Variants in DPY19L2 observed in about 807,000 individuals in gnomAD.
DPY19L2 encodes the protein dpy-19 like 2.
In DPY19L2, 34 loss-of-function variants were observed where a neutral mutation model predicts 97.9. That is an observed-to-expected ratio of 0.35 (90% CI 0.26 to 0.46). The LOEUF is 0.46. Among genes scored for constraint, DPY19L2 ranks in the 20% least tolerant of loss-of-function variants. The probability of loss-of-function intolerance (pLI) is 1.00; values close to 1 mark genes in which losing one functional copy is unlikely to be tolerated. For missense variants in DPY19L2, 623 were observed against 911.4 expected (o/e 0.68, Z 4.07); for synonymous variants, 230 against 307.9 (o/e 0.75, Z 2.65).
chr12:63,606,342 C>A (rs538882774), intron 12 of DPY19L2, among the ~76,000 whole-genome samples: 1 of 152,146 alleles, frequency 6.6e-6, no homozygotes, highest in African/African-American at 2.4e-5. Flanking sequence ...ACAGAACACT[C>A]TAAATACCTT....
chr12:63,596,115 T>A (rs774391610), intron 14 of DPY19L2, 78 bp from the exon 15 acceptor site: 57 of 1,302,448 alleles, frequency 4.4e-5, no homozygotes, highest in Non-Finnish European at 5.7e-5. Flanking sequence ...TCAAACTAAG[T>A]GCCATGATAA....
In DPY19L2 at chr12:63,608,109, G is replaced by T. The variant is rs140435744; in HGVS notation, c.1278+507C>A. ...TTGGGAAGAAGCCAAACAAAAATTAGGTAGTGGCTGAGTTCAAATTAGAAG... is the reference window on the plus strand; with the variant it reads ...TTGGGAAGAAGCCAAACAAAAATTATGTAGTGGCTGAGTTCAAATTAGAAG... On this transcript the variant is annotated intron_variant, in intron 12 of 21. Transcript: ENST00000324472. Among the ~76,000 whole-genome samples, 952 of 152,234 alleles carry T rather than the reference G, an allele frequency of 6.3e-3. 13 individuals carry two copies. The highest frequency in any genetic ancestry group is 0.022 in the African/African-American group (914 of 41,534).
At chr12:63,619,269 C>T (rs1888306569) in intron 9 of DPY19L2, among the ~76,000 whole-genome samples, 1 of 152,072 alleles carries the variant, frequency 6.6e-6, no homozygotes, top group African/African-American at 2.4e-5. Flanking sequence ...GGTGACACCT[C>T]ATCGCTACAA....
intron 19 of DPY19L2, among the ~76,000 whole-genome samples, chr12:63,572,729 GAGAA>G (rs1249726345): frequency 2.6e-5 from 4 of 151,994 alleles, no homozygotes; most frequent in Admixed American, 6.5e-5. Flanking sequence ...GCTTAGCACA[GAGAA>G]AGAGAGAGAG....
chr12:63,624,268 A>C, intron 7 of DPY19L2, 137 bp from the exon 8 acceptor site: 1 of 659,520 alleles, frequency 1.5e-6, no homozygotes, highest in Non-Finnish European at 2.7e-6. Context: ...ATAGCTTCTC[A>C]GTTTTTGAAG....
chr12:63,638,732 T>C (rs1340562817), intron 6 of DPY19L2, among the ~76,000 whole-genome samples: 2 of 152,178 alleles, frequency 1.3e-5, no homozygotes, highest in African/African-American at 4.8e-5. Context: ...AAGCATACCA[T>C]GCTCCTGGAT....
At chr12:63,663,599 A>G (rs1360944812) in intron 3 of DPY19L2, among the ~76,000 whole-genome samples, 159 bp downstream of exon 3, 1 of 152,216 alleles carries the variant, frequency 6.6e-6, no homozygotes, top group Admixed American at 6.5e-5. Flanking sequence ...TAACAGAAAA[A>G]TAATCTCAAA....
intron 11 of DPY19L2, among the ~76,000 whole-genome samples, chr12:63,613,081 A>G (rs2137703862): frequency 6.6e-6 from 1 of 152,244 alleles, no homozygotes; most frequent in East Asian, 1.9e-4. Flanking sequence ...ATATTTAGGG[A>G]AGAAATCATA....
chr12:63,637,199 G>A (rs1163980273), intron 6 of DPY19L2, among the ~76,000 whole-genome samples: 7 of 152,232 alleles, frequency 4.6e-5, no homozygotes, highest in Non-Finnish European at 4.4e-5. Flanking sequence ...GGTACATAAC[G>A]AAATGAAAGC....
At chr12:63,648,605 T>C (rs967506225) in intron 4 of DPY19L2, among the ~76,000 whole-genome samples, 1 of 151,984 alleles carries the variant, frequency 6.6e-6, no homozygotes, top group African/African-American at 2.4e-5. Flanking sequence ...TTTTTATATA[T>C]TTAGTAGAGA....
At chr12:63,561,630 A>C (rs1455439158) in intron 21 of DPY19L2, among the ~76,000 whole-genome samples, 1 of 151,326 alleles carries the variant, frequency 6.6e-6, no homozygotes. Context: ...TTTGTTGCTA[A>C]ATAATATTTC....
intron 3 of DPY19L2, among the ~76,000 whole-genome samples, chr12:63,661,956 A>G (rs1895733074): frequency 6.6e-6 from 1 of 152,144 alleles, no homozygotes; most frequent in African/African-American, 2.4e-5. Context: ...ATGAGCAAGG[A>G]ATCCAGTGCT....
rs372554385 is a variant in DPY19L2 at position 63,560,554 on chromosome 12, T to G, written c.2235A>C (p.Thr745=). The change falls in exon 22 of 22, where the codon ACA becomes ACC. Residue 745 remains threonine (T), a synonymous_variant. Transcript: ENST00000324472. ...LLEDARPYFT[T]VFQNSVYRVL... is the part of the protein sequence containing the mutation. ...CTCTGTACACACTATTCTGAAATAC[T>G]GTGGTGAAGTAAGGCCTGGCGTCTT... is the stretch of plus-strand genomic sequence containing the variant. The G allele has an allele frequency of 6.2e-7, 1 of 1,613,926 alleles. No individual in the cohort carries two copies. Among genetic ancestry groups the G allele is most frequent in the African/African-American group, 1.3e-5 (1 of 74,916 alleles).
chr12:63,602,350 A>G (rs546643614), intron 12 of DPY19L2, among the ~76,000 whole-genome samples: 1 of 152,114 alleles, frequency 6.6e-6, no homozygotes, highest in African/African-American at 2.4e-5. Context: ...CACTAAAACA[A>G]TGATGAAGAA....
chr12:63,660,518 G>C (rs1414503648), intron 4 of DPY19L2, among the ~76,000 whole-genome samples: 1 of 151,838 alleles, frequency 6.6e-6, no homozygotes, highest in Non-Finnish European at 1.5e-5. Context: ...CAGAACAAAG[G>C]TGATTTTAAC....
Position 63,569,549 on chromosome 12 carries a change from A to T in DPY19L2, c.2001-200T>A, listed in dbSNP as rs183310883. 225 of 388,432 alleles carry T rather than the reference A, an allele frequency of 5.8e-4. 1 individual carries two copies. The highest frequency in any genetic ancestry group is 3.8e-3 in the African/African-American group (181 of 47,852). 24.1% of individuals were successfully genotyped at this position (388,432 alleles called of 1,614,324 possible). On this transcript the variant is annotated intron_variant, in intron 20 of 21. Transcript: ENST00000324472. ...TTTTGAATGTAATAAAACTTACAGC[A>T]ATTTAATTTTGCATATACTGCTCAT... is the stretch of plus-strand genomic sequence containing the variant.
intron 8 of DPY19L2, among the ~76,000 whole-genome samples, chr12:63,621,964 C>T (rs1432165756): frequency 6.6e-6 from 1 of 152,040 alleles, no homozygotes; most frequent in Non-Finnish European, 1.5e-5. Flanking sequence ...GAAACACAAA[C>T]ATTTTACATA....
intron 6 of DPY19L2, among the ~76,000 whole-genome samples, chr12:63,640,872 C>T (rs942933843): frequency 6.6e-5 from 10 of 151,878 alleles, no homozygotes; most frequent in African/African-American, 2.4e-4. Context: ...AAAAATAGAA[C>T]TTATTTATTC....
At chr12:63,659,317 A>G (rs1227201042) in intron 4 of DPY19L2, among the ~76,000 whole-genome samples, 1 of 152,174 alleles carries the variant, frequency 6.6e-6, no homozygotes, top group Non-Finnish European at 1.5e-5. Flanking sequence ...AAGACTGTAC[A>G]TTGAAAAAAT....
Sources: allele counts gnomAD v4.1 joint callset (sites outside exome capture counted in the v4.1 genomes callset), GRCh38; gene constraint gnomAD v4.1.1; transcripts MANE v1.5; gene names NCBI Gene and HGNC (gene_info 2026-07-23, HGNC 2026-07-21).